The following COL5A1 variants were observed in gnomAD, a reference collection of about 807,000 sequenced individuals.
The protein encoded by COL5A1 is collagen type V alpha 1 chain, also known as collagen alpha-1(V) chain.
A neutral mutation model predicts 263.7 loss-of-function variants in COL5A1; 16 were observed. That is an observed-to-expected ratio of 0.06 (90% CI 0.04 to 0.09). The LOEUF (loss-of-function observed/expected upper bound fraction) is 0.09. COL5A1 is among the 10% of genes least tolerant of loss of function. COL5A1 has a pLI of 1.00. For missense variants in COL5A1, 2,036 were observed against 2,540.5 expected (o/e 0.80, Z 4.27); for synonymous variants, 1,012 against 1,004.5 (o/e 1.01, Z -0.14).
chr9:134,688,663 G>T (rs192585740), intron 1 of COL5A1, among the ~76,000 whole-genome samples: 23 of 152,324 alleles, frequency 1.5e-4, no homozygotes, highest in Admixed American at 9.1e-4. Context: ...TGGACGTGGG[G>T]TGTTCTGGGT....
At chr9:134,813,128 T>C (rs1838603306) in intron 48 of COL5A1, among the ~76,000 whole-genome samples, 2 of 152,042 alleles carry the variant, frequency 1.3e-5, no homozygotes, top group Non-Finnish European at 2.9e-5. Context: ...TTTTCTCAAA[T>C]GGGTCCTCTC....
intron 2 of COL5A1, among the ~76,000 whole-genome samples, chr9:134,699,128 G>A (rs1468778807): frequency 2.0e-5 from 3 of 152,152 alleles, no homozygotes; most frequent in Admixed American, 6.5e-5. Context: ...CACCAGGATC[G>A]ATGGACAGGA....
rs1197500813 is a variant in COL5A1 at position 134,821,578 on chromosome 9, T to G, written c.4555-519T>G. On this transcript the variant is annotated intron_variant, in intron 58 of 65. Transcript: ENST00000371817. The surrounding 1 kb of genome is among the most constrained non-coding windows in gnomAD (Gnocchi z 4.2). ...GCAGCTCAGTCTGGGAGGGAGTCAGTGGGGAGAAGGGGTCTGAGCGGAGGT... is the reference window on the plus strand; with the variant it reads ...GCAGCTCAGTCTGGGAGGGAGTCAGGGGGGAGAAGGGGTCTGAGCGGAGGT... 6.6e-6 allele frequency among the ~76,000 whole-genome samples: 1 copy of G among 151,870 alleles called. No individual in the cohort carries two copies. Among genetic ancestry groups the G allele is most frequent in the Non-Finnish European group, 1.5e-5 (1 of 67,954 alleles).
intron 13 of COL5A1, among the ~76,000 whole-genome samples, chr9:134,751,946 A>G (rs1196273883): frequency 6.6e-6 from 1 of 152,228 alleles, no homozygotes; most frequent in Non-Finnish European, 1.5e-5. Flanking sequence ...TTGAAGCTAA[A>G]TGGATGATAG....
intron 4 of COL5A1, among the ~76,000 whole-genome samples, chr9:134,717,157 G>A (rs998137857): frequency 5.9e-5 from 9 of 152,146 alleles, no homozygotes; most frequent in African/African-American, 1.7e-4. Flanking sequence ...GGTCTCCTAC[G>A]TGCGCAGCGC....
At chr9:134,770,855 G>A (rs1001620949) in intron 25 of COL5A1, among the ~76,000 whole-genome samples, 5 of 152,234 alleles carry the variant, frequency 3.3e-5, no homozygotes, top group Non-Finnish European at 7.3e-5. Context: ...TGGTTATCTT[G>A]TTACGTTTCC....
intron 53 of COL5A1, 121 bp from the exon 54 acceptor site, chr9:134,817,657 C>G: frequency 3.3e-6 from 3 of 903,556 alleles, no homozygotes; most frequent in Non-Finnish European, 5.3e-6. Context: ...CACCTGCACC[C>G]GAGCTCGTCC....
chr9:134,754,176 G>T lies in COL5A1; in HGVS notation c.1774-97G>T. On this transcript the variant is annotated intron_variant, in intron 15 of 65. Transcript: ENST00000371817. This position sits in a 1 kb window ranked among gnomAD's most constrained non-coding sequence, Gnocchi z 4.3. ...CACATGTTTGTGGCTTGGACAGCCA[G>T]GCATGGGCAGGGTCGATGAGCACAG... The T allele has an allele frequency of 1.5e-6, 2 of 1,331,572 alleles. No homozygotes were observed. The highest frequency in any genetic ancestry group is 1.2e-5 in the South Asian group (1 of 84,418). The allele number at this position is 1,331,572 out of a possible 1,614,324, so 82.5% of individuals were successfully genotyped here.
intron 1 of COL5A1, among the ~76,000 whole-genome samples, chr9:134,658,059 T>C (rs1275697211): frequency 6.6e-6 from 1 of 151,944 alleles, no homozygotes; most frequent in Non-Finnish European, 1.5e-5. Context: ...AAAGCAACCC[T>C]GCCCGTCTCT....
chr9:134,804,797 G>A (rs1838235399), intron 39 of COL5A1, among the ~76,000 whole-genome samples, 178 bp from the exon 40 acceptor site: 1 of 152,214 alleles, frequency 6.6e-6, no homozygotes. Context: ...CTGGTGAGAG[G>A]TCTGTGTCGC....
intron 13 of COL5A1, 23 bp downstream of exon 13, chr9:134,750,905 A>C: frequency 6.2e-7 from 1 of 1,600,904 alleles, no homozygotes; most frequent in Non-Finnish European, 8.5e-7. Flanking sequence ...GGGTCCCAAG[A>C]GGCCTGAAGG....
At chr9:134,748,584 C>G (rs1835661534) in intron 11 of COL5A1, among the ~76,000 whole-genome samples, 1 of 152,330 alleles carries the variant, frequency 6.6e-6, no homozygotes, top group East Asian at 1.9e-4. Context: ...GGGCGGCAAA[C>G]ATGTTTTGGA....
chr9:134,799,494 G>A (rs977069553), intron 37 of COL5A1, among the ~76,000 whole-genome samples: 1 of 152,174 alleles, frequency 6.6e-6, no homozygotes, highest in Non-Finnish European at 1.5e-5. Context: ...GAGAGTGAGG[G>A]GCATGCCAGG....
At position 134,652,076 on chromosome 9, in the gene COL5A1, CAG is replaced by C. The variant is rs1831706725; in HGVS notation, c.109+9783_109+9784del. ...TGACTCTTCTCAGAGCCTTTGGCTA[CAG>C]AGTGTTCCCGCGGTCGAGGTGGGGT... On this transcript the variant is annotated intron_variant, in intron 1 of 65. Transcript: ENST00000371817. The surrounding 1 kb of genome is among the most constrained non-coding windows in gnomAD (Gnocchi z 4.4). 6.6e-6 allele frequency among the ~76,000 whole-genome samples: 1 copy of C among 152,134 alleles called. No homozygotes were observed. Among genetic ancestry groups the C allele is most frequent in the African/African-American group, 2.4e-5 (1 of 41,410 alleles).
rs994312089 is a variant in COL5A1 at position 134,677,882 on chromosome 9, G to C, written c.110-13030G>C. On this transcript the variant is annotated intron_variant, in intron 1 of 65. Coordinates refer to ENST00000371817, the MANE Select transcript of COL5A1 (RefSeq NM_000093.5). The surrounding 1 kb of genome is among the most constrained non-coding windows in gnomAD (Gnocchi z 4.4). The stretch of plus-strand genomic sequence containing the variant: ...GCCCCATGGCATGGTTCCACGGGAG[G>C]GGCATCTTCTGCCTGGCCCTTGTTC... 6.6e-6 allele frequency among the ~76,000 whole-genome samples: 1 copy of C among 152,184 alleles called. No homozygotes were observed. Among genetic ancestry groups the C allele is most frequent in the East Asian group, 1.9e-4 (1 of 5,184 alleles).
chr9:134,731,733 C>T, intron 8 of COL5A1, 70 bp downstream of exon 8: 1 of 1,518,678 alleles, frequency 6.6e-7, no homozygotes, highest in Non-Finnish European at 8.9e-7. Flanking sequence ...GGCTCCTGCC[C>T]AAGAGCCTCC....
At chr9:134,691,201 T>C in intron 2 of COL5A1, 122 bp downstream of exon 2, 1 of 1,282,716 alleles carries the variant, frequency 7.8e-7, no homozygotes. Context: ...GAAGCCCCTC[T>C]CACGAGCCCG....
intron 5 of COL5A1, among the ~76,000 whole-genome samples, chr9:134,727,772 G>A (rs962163102): frequency 2.6e-5 from 4 of 152,144 alleles, no homozygotes; most frequent in South Asian, 4.2e-4. Context: ...CAAAGAGGAC[G>A]GAGCCTGGGC....
chr9:134,754,028 C>A lies in COL5A1; in HGVS notation c.1773+125C>A. 2.1e-6 allele frequency: 2 copies of A among 943,560 alleles called. No homozygotes were observed. Among genetic ancestry groups the A allele is most frequent in the Non-Finnish European group, 3.4e-6 (2 of 590,068 alleles). 58.4% of individuals were successfully genotyped at this position (943,560 alleles called of 1,614,324 possible). A position where few individuals can be genotyped will look rare whatever the true frequency, so the allele number is the denominator to read the frequency against. On this transcript the variant is annotated intron_variant, in intron 15 of 65. Transcript: ENST00000371817. The surrounding 1 kb of genome is among the most constrained non-coding windows in gnomAD (Gnocchi z 4.3). ...AGGAAATTCGTGGGAATTGTCCTTG[C>A]TTTACGCAGTGCTGAGGGTGGAGCA...
Sources: gnomAD v4.1 joint callset for allele counts (sites outside exome capture counted in the v4.1 genomes callset) on GRCh38, gnomAD v4.1.1 for gene constraint, Gnocchi (gnomAD v3.1) non-coding constraint, MANE v1.5 for transcripts, NCBI Gene and HGNC (gene_info 2026-07-23, HGNC 2026-07-21) for gene names.